Variants in PALLD observed in about 807,000 individuals in gnomAD.
PALLD encodes palladin.
In PALLD, 61 loss-of-function variants were observed where a neutral mutation model predicts 123.5. The observed-to-expected ratio is 0.49, with a 90% CI of 0.40 to 0.61. The LOEUF (loss-of-function observed/expected upper bound fraction) is 0.61. PALLD is among the 20% of genes least tolerant of loss of function. The pLI is 0.00. For missense variants in PALLD, 1,273 were observed against 1,377.0 expected (o/e 0.92, Z 1.20); for synonymous variants, 465 against 496.4 (o/e 0.94, Z 0.84).
chr4:168,891,194 A>AAAGTGTGACC, intron 11 of PALLD, 137 bp downstream of exon 11: 1 of 940,194 alleles, frequency 1.1e-6, no homozygotes, highest in Non-Finnish European at 1.7e-6. Context: ...ACAGGGTCAC[A>AAAGTGTGACC]CTTTGTCACC....
chr4:168,879,868 C>T (rs888327499), intron 10 of PALLD, among the ~76,000 whole-genome samples: 1 of 152,142 alleles, frequency 6.6e-6, no homozygotes, highest in African/African-American at 2.4e-5. Context: ...CTTGTTTTTT[C>T]TCTTTGAGCT....
intron 2 of PALLD, chr4:168,631,511 T>C (rs955301584): frequency 1.6e-6 from 1 of 639,618 alleles, no homozygotes; most frequent in South Asian, 6.9e-5. Flanking sequence ...GAGTTATTTC[T>C]GGAGTTTAGC....
intron 8 of PALLD, among the ~76,000 whole-genome samples, chr4:168,703,180 T>C (rs1396109480): frequency 1.4e-5 from 2 of 146,374 alleles, no homozygotes; most frequent in African/African-American, 2.6e-5. Flanking sequence ...GTTCTTGCGA[T>C]AGTTTACTGA....
At chr4:168,731,584 T>C (rs1029133104) in intron 10 of PALLD, among the ~76,000 whole-genome samples, 2 of 152,252 alleles carry the variant, frequency 1.3e-5, no homozygotes, top group Non-Finnish European at 2.9e-5. Context: ...ATTAAGACAA[T>C]GTTCACAATG....
At chr4:168,517,714 C>G (rs2149444023) in intron 2 of PALLD, among the ~76,000 whole-genome samples, 1 of 152,266 alleles carries the variant, frequency 6.6e-6, no homozygotes, top group East Asian at 1.9e-4. Flanking sequence ...GCACCACTAG[C>G]CAATAGTTTA....
At chr4:168,668,062 A>ACTGTT in intron 2 of PALLD, 128 bp from the exon 3 acceptor site, 1 of 754,604 alleles carries the variant, frequency 1.3e-6, no homozygotes, top group African/African-American at 1.7e-5. Flanking sequence ...TAACACTGAC[A>ACTGTT]TTGTTTTTTT....
chr4:168,731,283 A>G (rs1258574239), intron 10 of PALLD, among the ~76,000 whole-genome samples: 1 of 152,208 alleles, frequency 6.6e-6, no homozygotes, highest in Admixed American at 6.5e-5. Context: ...CATCCATTCA[A>G]TCTGCCATCT....
chr4:168,571,027 T>C (rs1197740819), intron 2 of PALLD, among the ~76,000 whole-genome samples: 1 of 152,182 alleles, frequency 6.6e-6, no homozygotes, highest in African/African-American at 2.4e-5. Flanking sequence ...TCTCTGGAGC[T>C]TATTTCTTTG....
At chr4:168,843,681 C>T (rs938791337) in intron 10 of PALLD, among the ~76,000 whole-genome samples, 3 of 151,996 alleles carry the variant, frequency 2.0e-5, no homozygotes, top group African/African-American at 7.3e-5. Flanking sequence ...TGGTGGTGAT[C>T]GCATGGGGTG....
intron 10 of PALLD, among the ~76,000 whole-genome samples, chr4:168,768,684 G>GT (rs924443288): frequency 1.3e-5 from 2 of 152,082 alleles, no homozygotes; most frequent in African/African-American, 4.8e-5. Context: ...TTTTTCTTTT[G>GT]TTTTTTTGAG....
At chr4:168,534,169 A>T (rs1389599470) in intron 2 of PALLD, among the ~76,000 whole-genome samples, 2 of 152,188 alleles carry the variant, frequency 1.3e-5, no homozygotes, top group Admixed American at 1.3e-4. Context: ...CCCCTTAGGG[A>T]TGAGTTTCCA....
chr4:168,834,111 C>G (rs992278680), intron 10 of PALLD, among the ~76,000 whole-genome samples: 1 of 151,804 alleles, frequency 6.6e-6, no homozygotes, highest in Admixed American at 6.6e-5. Context: ...TGGGCATGTA[C>G]AGCAAGTAGC....
intron 10 of PALLD, among the ~76,000 whole-genome samples, chr4:168,824,112 A>G (rs1743092747): frequency 6.6e-6 from 1 of 152,252 alleles, no homozygotes; most frequent in African/African-American, 2.4e-5. Context: ...ATCTCTAATG[A>G]GACTTTTGCT....
At chr4:168,634,178 C>T (rs1270058080) in intron 2 of PALLD, among the ~76,000 whole-genome samples, 1 of 152,216 alleles carries the variant, frequency 6.6e-6, no homozygotes, top group Non-Finnish European at 1.5e-5. Flanking sequence ...GTCTTGTTCA[C>T]TTGGACGTCC....
chr4:168,641,207 CAAA>C (rs567163235), intron 2 of PALLD, among the ~76,000 whole-genome samples: 6 of 114,528 alleles, frequency 5.2e-5, no homozygotes, highest in Non-Finnish European at 5.6e-5. Context: ...GACTCCATCT[CAAA>C]AAAAAAAAAA....
At chr4:168,636,017 A>G (rs965369982) in intron 2 of PALLD, among the ~76,000 whole-genome samples, 12 of 152,240 alleles carry the variant, frequency 7.9e-5, no homozygotes. Flanking sequence ...ACTGTATTAC[A>G]TTTGATCATT....
chr4:168,721,464 T>A (rs72699858), intron 10 of PALLD, among the ~76,000 whole-genome samples: 12,454 of 151,596 alleles, frequency 0.082, 508 homozygotes, highest in South Asian at 0.13. Context: ...AAATAAAAAA[T>A]AATACACTTT....
At chr4:168,607,517 A>G (rs560144621) in intron 2 of PALLD, among the ~76,000 whole-genome samples, 1 of 152,310 alleles carries the variant, frequency 6.6e-6, no homozygotes, top group East Asian at 1.9e-4. Flanking sequence ...TGATAGTTAT[A>G]TATCCATAAT....
intron 10 of PALLD, among the ~76,000 whole-genome samples, chr4:168,848,229 T>A (rs1229680466): frequency 6.9e-6 from 1 of 143,946 alleles, no homozygotes; most frequent in African/African-American, 2.5e-5. Context: ...CACTGTCCCT[T>A]CTGCTTACTC....
Sources: gnomAD v4.1 joint callset for allele counts (sites outside exome capture counted in the v4.1 genomes callset) on GRCh38, gnomAD v4.1.1 for gene constraint, MANE v1.5 for transcripts, NCBI Gene and HGNC (gene_info 2026-07-23, HGNC 2026-07-21) for gene names.